MYO18B: variants seen among roughly 807,000 people sequenced by gnomAD.
MYO18B encodes the protein unconventional myosin-XVIIIb.
In MYO18B, 204 loss-of-function variants were observed where a neutral mutation model predicts 273.0. The ratio of observed to expected loss-of-function variants is 0.75; its 90% CI spans 0.67 to 0.84. The LOEUF is 0.84. MYO18B is among the 40% of genes least tolerant of loss of function. MYO18B has a pLI of 0.00. For synonymous variants in MYO18B, 1,330 were observed against 1,305.7 expected (o/e 1.02, Z -0.40); for missense variants, 3,212 against 3,287.6 (o/e 0.98, Z 0.56).
intron 31 of MYO18B, among the ~76,000 whole-genome samples, chr22:25,907,461 G>C: frequency 6.6e-6 from 1 of 152,186 alleles, no homozygotes; most frequent in East Asian, 1.9e-4. Context: ...AATGGGGAAA[G>C]AGAAAGTAAT....
In MYO18B at chr22:25,950,379, A is replaced by G. The variant is rs761961158; in HGVS notation, c.5761A>G (p.Ile1921Val). Residue 1921 changes from isoleucine to valine, a missense_variant, in exon 37 of 44, where the codon ATT becomes GTT. Ile to Val is a conservative substitution (Grantham distance 29). Transcript: ENST00000335473. ...KDLIAQSAAD[I>V]GQIQELQLQL... ...TTTGTCTCACCAGTCTGCTGCTGAC[A>G]TTGGGCAGATCCAAGAACTGCAGCT... 1.2e-6 allele frequency: 2 copies of G among 1,603,460 alleles called. No individual in the cohort carries two copies. Among genetic ancestry groups the G allele is most frequent in the Non-Finnish European group, 8.5e-7 (1 of 1,175,040 alleles).
chr22:25,916,085 C>G (rs1259467886), intron 33 of MYO18B, among the ~76,000 whole-genome samples: 2 of 152,038 alleles, frequency 1.3e-5, no homozygotes, highest in African/African-American at 4.8e-5. Context: ...ACTAATGTTT[C>G]TAGACATTTA....
intron 28 of MYO18B, chr22:25,897,770 G>C (rs2091842045): frequency 6.6e-6 from 1 of 152,446 alleles, no homozygotes; most frequent in East Asian, 1.9e-4. Context: ...AGTGTTTCCT[G>C]GAGGAAGATG....
At chr22:25,933,923 AGG>A (rs2092544041) in intron 34 of MYO18B, among the ~76,000 whole-genome samples, 2 of 152,236 alleles carry the variant, frequency 1.3e-5, no homozygotes, top group South Asian at 4.1e-4. Flanking sequence ...TAAATTTCCA[AGG>A]TACCTGTAGA....
chr22:25,864,155 C>CAGAG (rs201388124), intron 21 of MYO18B, among the ~76,000 whole-genome samples: 1 of 151,854 alleles, frequency 6.6e-6, no homozygotes, highest in Admixed American at 6.6e-5. Flanking sequence ...AGAACTACTG[C>CAGAG]AGAGAGAGAG....
chr22:25,772,553 A>AG, intron 7 of MYO18B, 43 bp downstream of exon 7: 2 of 1,578,514 alleles, frequency 1.3e-6, no homozygotes, highest in Non-Finnish European at 1.7e-6. Flanking sequence ...GGCTGAGGGC[A>AG]GGGGGGCCTG....
chr22:26,029,916 G>A (rs747977878), intron 43 of MYO18B, among the ~76,000 whole-genome samples: 1 of 152,118 alleles, frequency 6.6e-6, no homozygotes, highest in Non-Finnish European at 1.5e-5. Context: ...TAAATGCCAG[G>A]TTACTTTGGA....
chr22:25,943,711 CTTTTTTTT>C (rs59256754), intron 34 of MYO18B, among the ~76,000 whole-genome samples: 5 of 79,580 alleles, frequency 6.3e-5, no homozygotes, highest in African/African-American at 1.4e-4. Context: ...TCTTTCTTTC[CTTTTTTTT>C]TTTTTTTTTT....
intron 25 of MYO18B, among the ~76,000 whole-genome samples, chr22:25,879,784 A>G (rs2301494): frequency 0.11 from 17,464 of 152,246 alleles, 1,303 homozygotes; most frequent in African/African-American, 0.21. Context: ...CTGTACAGGA[A>G]GCATGGCTGG....
chr22:26,031,401 A>G (rs1936663644), downstream of MYO18B, among the ~76,000 whole-genome samples: 1 of 152,028 alleles, frequency 6.6e-6, no homozygotes, highest in Non-Finnish European at 1.5e-5. Flanking sequence ...TCCTTCTGAG[A>G]GCTGTGAGGG....
At chr22:25,857,486 A>T (rs2343802) in intron 21 of MYO18B, among the ~76,000 whole-genome samples, 1 of 82,686 alleles carries the variant, frequency 1.2e-5, no homozygotes, top group Non-Finnish European at 2.6e-5. Context: ...TCATCTCAAG[A>T]GTCTTTATCT....
At chr22:25,777,842 A>T in intron 8 of MYO18B, 61 bp downstream of exon 8, 1 of 1,449,088 alleles carries the variant, frequency 6.9e-7, no homozygotes. Flanking sequence ...TTGGAAGGGG[A>T]TGCTGAGCTG....
the MYO18B span, among the ~76,000 whole-genome samples, chr22:26,047,091 G>A: frequency 6.6e-6 from 1 of 151,828 alleles, no homozygotes; most frequent in African/African-American, 2.4e-5. Flanking sequence ...GAAACTATGC[G>A]GTATCACTTC....
At chr22:25,858,050 G>T (rs552970305) in intron 21 of MYO18B, among the ~76,000 whole-genome samples, 1 of 152,346 alleles carries the variant, frequency 6.6e-6, no homozygotes, top group African/African-American at 2.4e-5. Flanking sequence ...TTTTTGGATA[G>T]TTTCTGCCTT....
the MYO18B span, among the ~76,000 whole-genome samples, chr22:26,043,159 T>C: frequency 6.6e-6 from 1 of 152,254 alleles, no homozygotes; most frequent in Non-Finnish European, 1.5e-5. Flanking sequence ...ATGCAAAATA[T>C]ACTTTTTTTG....
intron 39 of MYO18B, among the ~76,000 whole-genome samples, chr22:25,957,753 G>A (rs2092870386): frequency 6.6e-6 from 1 of 152,048 alleles, no homozygotes; most frequent in Admixed American, 6.6e-5. Flanking sequence ...CTCAGTGATG[G>A]CTTTCTTCAC....
rs557588812 is a variant in MYO18B at position 25,874,137 on chromosome 22, T to G, written c.3952-149T>G. 2.1e-4 allele frequency: 185 copies of G among 902,308 alleles called. 4 individuals are homozygous for G. The South Asian group carries it at 2.6e-3, about 12-fold the overall frequency. The allele number at this position is 902,308 out of a possible 1,614,324, so 55.9% of individuals were successfully genotyped here. A position where few individuals can be genotyped will look rare whatever the true frequency, so the allele number is the denominator to read the frequency against. ...TCAGCAGACAAAATGCTTTGATAAT[T>G]TAGACTCCCCCACCTCCCACTTAAA... On this transcript the variant is annotated intron_variant, in intron 22 of 43. Coordinates refer to ENST00000335473, the MANE Select transcript of MYO18B (RefSeq NM_032608.7).
chr22:25,994,082 C>T (rs1306488147), intron 40 of MYO18B, among the ~76,000 whole-genome samples: 1 of 152,166 alleles, frequency 6.6e-6, no homozygotes, highest in Non-Finnish European at 1.5e-5. Flanking sequence ...CTGGGCTGGT[C>T]ATAGCTGCTG....
chr22:25,872,967 C>T (rs2091088690), intron 22 of MYO18B, among the ~76,000 whole-genome samples: 1 of 152,198 alleles, frequency 6.6e-6, no homozygotes, highest in Non-Finnish European at 1.5e-5. Flanking sequence ...ACTTCTTCCC[C>T]TGTCACTGAC....
Sources: gnomAD v4.1 joint callset for allele counts (sites outside exome capture counted in the v4.1 genomes callset) on GRCh38, gnomAD v4.1.1 for gene constraint, MANE v1.5 for transcripts, NCBI Gene and HGNC (gene_info 2026-07-23, HGNC 2026-07-21) for gene names.